KIR3DL2: variants seen among roughly 807,000 people sequenced by gnomAD.
KIR3DL2 encodes the protein killer cell immunoglobulin-like receptor 3DL2.
KIR3DL2 carries 42 observed loss-of-function variants against 41.6 expected under a neutral mutation model. The observed-to-expected ratio is 1.01, with a 90% CI of 0.79 to 1.31. KIR3DL2 has a LOEUF of 1.31. Among genes scored for constraint, KIR3DL2 ranks in the 50% most tolerant of loss-of-function variants. The pLI, the probability that KIR3DL2 is intolerant of heterozygous loss-of-function variation, is 0.00. For missense variants in KIR3DL2, 728 were observed against 576.8 expected, an observed-to-expected ratio of 1.26 and a Z score of -2.68; for synonymous variants, 230 against 221.3, an observed-to-expected ratio of 1.04 and a Z score of -0.35.
intron 6 of KIR3DL2, among the ~76,000 whole-genome samples, chr19:54,863,823 G>C (rs937584026): frequency 1.2e-4 from 19 of 152,064 alleles, no homozygotes; most frequent in Non-Finnish European, 2.5e-4. Flanking sequence ...TCACTCTGAT[G>C]GTAGTTTCTT....
intron 6 of KIR3DL2, among the ~76,000 whole-genome samples, chr19:54,859,539 C>T (rs1406954011): frequency 6.6e-6 from 1 of 151,832 alleles, no homozygotes; most frequent in Non-Finnish European, 1.5e-5. Context: ...CATCAGGCAA[C>T]CCTGGCTGAC....
chr19:54,850,995 G>T (rs1324736245), intron 1 of KIR3DL2, among the ~76,000 whole-genome samples: 1 of 151,096 alleles, frequency 6.6e-6, no homozygotes, highest in African/African-American at 2.5e-5. Flanking sequence ...CTGGAGTGGA[G>T]ATATGGGCCT....
At chr19:54,863,143 A>G (rs1208460689) in intron 6 of KIR3DL2, among the ~76,000 whole-genome samples, 2 of 151,080 alleles carry the variant, frequency 1.3e-5, no homozygotes, top group Admixed American at 1.3e-4. Flanking sequence ...ACTGAGAATG[A>G]TGATTTCCAA....
intron 3 of KIR3DL2, among the ~76,000 whole-genome samples, chr19:54,852,501 G>T (rs926945675): frequency 2.6e-5 from 4 of 151,598 alleles, no homozygotes; most frequent in Non-Finnish European, 4.4e-5. Flanking sequence ...TATGTTATAG[G>T]GCAGGGGACT....
intron 4 of KIR3DL2, among the ~76,000 whole-genome samples, chr19:54,854,257 C>T (rs1055865742): frequency 5.9e-5 from 9 of 151,580 alleles, no homozygotes; most frequent in East Asian, 5.8e-4. Context: ...AGGGGCCATA[C>T]GGGGAAGTAG....
chr19:54,851,932 T>A, intron 2 of KIR3DL2, 66 bp from the exon 3 acceptor site: 1 of 1,577,318 alleles, frequency 6.3e-7, no homozygotes, highest in Middle Eastern at 1.8e-4. Context: ...GAGAATCTTC[T>A]GAGCACAGGG....
intron 5 of KIR3DL2, among the ~76,000 whole-genome samples, 178 bp downstream of exon 5, chr19:54,856,090 C>T: frequency 6.6e-6 from 1 of 151,422 alleles, no homozygotes; most frequent in South Asian, 2.1e-4. Context: ...CTTGCATGGC[C>T]TGCATGGAGG....
In KIR3DL2 at chr19:54,852,260, C is replaced by A. The variant is rs759806496; in HGVS notation, c.333C>A (p.Asn111Lys). 9.3e-6 allele frequency: 15 copies of A among 1,609,078 alleles called. No homozygotes were observed. Among genetic ancestry groups the A allele is most frequent in the Non-Finnish European group, 5.1e-6 (6 of 1,177,562 alleles). ...HSLTGWSAPS[N>K]PLVIMVTGNH... ...TCACTGGGTGGTCGGCACCCAGCAA[C>A]CCCCTGGTGATCATGGTCACAGGTC... is the stretch of plus-strand genomic sequence containing the variant. Residue 111 changes from asparagine to lysine, a missense_variant, in exon 3 of 9, where the codon AAC (asparagine) becomes AAA (lysine). Transcript: ENST00000326321.
intron 3 of KIR3DL2, among the ~76,000 whole-genome samples, chr19:54,852,550 C>T (rs2064368130): frequency 6.6e-6 from 1 of 151,612 alleles, no homozygotes; most frequent in Non-Finnish European, 1.5e-5. Flanking sequence ...ATGAGTTGAC[C>T]TTGAGATGGG....
At chr19:54,865,090 G>A (rs2065414336) in intron 6 of KIR3DL2, among the ~76,000 whole-genome samples, 1 of 151,982 alleles carries the variant, frequency 6.6e-6, no homozygotes, top group South Asian at 2.1e-4. Flanking sequence ...TTTGTCAAAG[G>A]CCTTTTCTGC....
In KIR3DL2 at chr19:54,855,686, C is replaced by A. The variant is rs2064696059; in HGVS notation, c.723C>A (p.Thr241=). 1.2e-6 allele frequency: 2 copies of A among 1,613,546 alleles called. No individual in the cohort carries two copies. Among genetic ancestry groups the A allele is most frequent in the Non-Finnish European group, 1.7e-6 (2 of 1,179,968 alleles). ...GPTVQAGENV[T]LSCSSWSSYD... is the part of the protein sequence containing the mutation. ...CGGTTCAGGCAGGAGAGAACGTGAC[C>A]TTGTCCTGTAGCTCCTGGAGCTCCT... Residue 241 remains threonine, a synonymous_variant, in exon 5 of 9, where the codon ACC becomes ACA. Transcript: ENST00000326321.
At chr19:54,850,617 G>T (rs1601709071) in intron 1 of KIR3DL2, 108 bp downstream of exon 1, 1 of 1,525,222 alleles carries the variant, frequency 6.6e-7, no homozygotes, top group African/African-American at 1.4e-5. Context: ...TGGAGATATG[G>T]GCCTGGGTGT....
At chr19:54,856,021 G>A in intron 5 of KIR3DL2, 109 bp downstream of exon 5, 1 of 1,363,826 alleles carries the variant, frequency 7.3e-7, no homozygotes, top group South Asian at 1.3e-5. Context: ...AGAACACGAA[G>A]ACTGGGTGTG....
intron 2 of KIR3DL2, among the ~76,000 whole-genome samples, chr19:54,851,761 A>G (rs2064262009): frequency 6.6e-6 from 1 of 151,778 alleles, no homozygotes; most frequent in Admixed American, 6.6e-5. Context: ...TTATGTGAGT[A>G]ATTTTGCAGT....
intron 4 of KIR3DL2, among the ~76,000 whole-genome samples, chr19:54,855,392 AC>A (rs2064663303): frequency 6.6e-6 from 1 of 151,712 alleles, no homozygotes; most frequent in African/African-American, 2.4e-5. Flanking sequence ...AGAGAATAAA[AC>A]AATCCAAAAA....
chr19:54,856,973 C>CTTCAA (rs1188698253), intron 5 of KIR3DL2, among the ~76,000 whole-genome samples: 1 of 152,186 alleles, frequency 6.6e-6, no homozygotes, highest in Non-Finnish European at 1.5e-5. Flanking sequence ...ATCTTGGCTA[C>CTTCAA]TGTGAACAGT....
intron 3 of KIR3DL2, 41 bp from the exon 4 acceptor site, chr19:54,853,706 T>A: frequency 6.3e-7 from 1 of 1,595,366 alleles, no homozygotes; most frequent in Non-Finnish European, 8.6e-7. Context: ...GATGGGATGA[T>A]AAAGAGAGAT....
intron 5 of KIR3DL2, among the ~76,000 whole-genome samples, chr19:54,858,334 G>A (rs1181727800): frequency 1.3e-5 from 2 of 151,010 alleles, no homozygotes; most frequent in South Asian, 2.1e-4. Context: ...GACAGGTATA[G>A]ATGCAGTTTT....
At position 54,865,793 on chromosome 19, in the gene KIR3DL2, A is replaced by G; in HGVS notation, c.1001-12A>G. On this transcript the variant is annotated splice_polypyrimidine_tract_variant and intron_variant, in intron 6 of 8. Transcript: ENST00000326321. ...ATGATTAGCTTCTTATTGGATTCCCATCTTCCTCCAGGTATCTGCAGACAC... is the reference window on the plus strand; with the variant it reads ...ATGATTAGCTTCTTATTGGATTCCCGTCTTCCTCCAGGTATCTGCAGACAC... 1 of 1,540,298 alleles carries G rather than the reference A, an allele frequency of 6.5e-7. No homozygotes were observed. Among genetic ancestry groups the G allele is most frequent in the Non-Finnish European group, 8.9e-7 (1 of 1,119,288 alleles).
Sources: allele counts gnomAD v4.1 joint callset (sites outside exome capture counted in the v4.1 genomes callset), GRCh38; gene constraint gnomAD v4.1.1; transcripts MANE v1.5; gene names NCBI Gene and HGNC (gene_info 2026-07-23, HGNC 2026-07-21).